Variants in ASIP observed in about 807,000 individuals in gnomAD.
The protein encoded by ASIP is agouti-signaling protein.
A neutral mutation model predicts 10.3 loss-of-function variants in ASIP; 11 were observed. That is an observed-to-expected ratio of 1.07 (90% CI 0.68 to 1.78). The LOEUF is 1.78. Ranked by LOEUF, ASIP falls within the 40% of genes most tolerant of loss-of-function variation. ASIP has a pLI of 0.00. For synonymous variants in ASIP, 70 were observed against 70.8 expected (o/e 0.99, Z 0.06); for missense variants, 180 against 169.2 (o/e 1.06, Z -0.35).
chr20:34,215,072 C>A, intron 1 of ASIP: 14 of 1,551,532 alleles, frequency 9.0e-6, no homozygotes, highest in Non-Finnish European at 1.2e-5. Flanking sequence ...AAAAAGCCAG[C>A]AGACTGTAAT....
intron 1 of ASIP, among the ~76,000 whole-genome samples, chr20:34,222,643 T>TCTCCGTCTCCCTCTCCCTCTCCCC (rs1270574641): frequency 1.3e-5 from 2 of 151,924 alleles, no homozygotes; most frequent in Non-Finnish European, 2.9e-5. Context: ...TCCCTCTCCC[T>TCTCCGTCTCCCTCTCCCTCTCCCC]CTCCGTCTCC....
chr20:34,235,294 G>A (rs1412619691), intron 1 of ASIP, among the ~76,000 whole-genome samples: 1 of 152,104 alleles, frequency 6.6e-6, no homozygotes, highest in Non-Finnish European at 1.5e-5. Flanking sequence ...ACAAAAATTA[G>A]CCAGGCGAGG....
intron 1 of ASIP, among the ~76,000 whole-genome samples, chr20:34,244,828 G>C (rs1403726547): frequency 6.6e-6 from 1 of 152,126 alleles, no homozygotes; most frequent in Non-Finnish European, 1.5e-5. Flanking sequence ...CCCGTAGGGT[G>C]GACTTTGTAA....
At chr20:34,239,341 C>G (rs1264610406), upstream of ASIP, among the ~76,000 whole-genome samples, 1 of 152,076 alleles carries the variant, frequency 6.6e-6, no homozygotes, top group Non-Finnish European at 1.5e-5. Context: ...CTCAGCCTCC[C>G]AAGTAGCTGG....
At chr20:34,216,876 C>A (rs1304539248) in intron 1 of ASIP, among the ~76,000 whole-genome samples, 3 of 152,028 alleles carry the variant, frequency 2.0e-5, no homozygotes, top group Non-Finnish European at 2.9e-5. Flanking sequence ...ATTCTAGGTC[C>A]TTTGCATTTC....
intron 1 of ASIP, among the ~76,000 whole-genome samples, chr20:34,222,910 G>C (rs1265360102): frequency 2.6e-5 from 4 of 152,170 alleles, no homozygotes; most frequent in Non-Finnish European, 4.4e-5. Flanking sequence ...GATTGCAGAC[G>C]GAGTCTCGTT....
intron 1 of ASIP, among the ~76,000 whole-genome samples, chr20:34,223,279 C>G (rs1281047355): frequency 6.6e-6 from 1 of 150,910 alleles, no homozygotes; most frequent in Non-Finnish European, 1.5e-5. Flanking sequence ...TCTGCCCTGC[C>G]GCCCCGTCTG....
chr20:34,236,280 C>T (rs2035209507), intron 1 of ASIP, among the ~76,000 whole-genome samples: 1 of 152,190 alleles, frequency 6.6e-6, no homozygotes, highest in African/African-American at 2.4e-5. Flanking sequence ...TGGCTCACGC[C>T]TATAATCCCA....
At chr20:34,212,272 C>T (rs2034979515) in intron 1 of ASIP, among the ~76,000 whole-genome samples, 1 of 152,142 alleles carries the variant, frequency 6.6e-6, no homozygotes, top group African/African-American at 2.4e-5. Context: ...AACTCCCATA[C>T]ACCCAATCTC....
At chr20:34,246,615 CCTGA>C in intron 1 of ASIP, 1 of 645,098 alleles carries the variant, frequency 1.6e-6, no homozygotes, top group Non-Finnish European at 2.8e-6. Flanking sequence ...TGCCACCATG[CCTGA>C]CTAATTTTTT....
At chr20:34,217,562 T>A (rs2035017271) in intron 1 of ASIP, among the ~76,000 whole-genome samples, 1 of 150,208 alleles carries the variant, frequency 6.7e-6, no homozygotes, top group South Asian at 2.2e-4. Flanking sequence ...AGCTTATTTA[T>A]GTATTTATTT....
At chr20:34,237,921 A>T (rs2035232045), upstream of ASIP, among the ~76,000 whole-genome samples, 1 of 152,022 alleles carries the variant, frequency 6.6e-6, no homozygotes, top group Non-Finnish European at 1.5e-5. Flanking sequence ...CTGATATAGG[A>T]TTCTTGGTTG....
intron 1 of ASIP, among the ~76,000 whole-genome samples, chr20:34,201,706 G>T (rs2034901068): frequency 6.6e-6 from 1 of 152,164 alleles, no homozygotes; most frequent in African/African-American, 2.4e-5. Context: ...CTTCAAACTT[G>T]CATGTTGCCT....
chr20:34,268,623 C>A (rs1451031935), intron 3 of ASIP, among the ~76,000 whole-genome samples: 1 of 151,820 alleles, frequency 6.6e-6, no homozygotes, highest in Non-Finnish European at 1.5e-5. Context: ...GTGGTCCCAG[C>A]TACTTGGGAG....
At chr20:34,224,278 G>C (rs1333617235) in intron 1 of ASIP, among the ~76,000 whole-genome samples, 1 of 151,608 alleles carries the variant, frequency 6.6e-6, no homozygotes, top group East Asian at 1.9e-4. Context: ...CTTAGGGAAA[G>C]ATAAGCTGTC....
intron 1 of ASIP, among the ~76,000 whole-genome samples, chr20:34,230,921 T>C (rs1243535044): frequency 1.6e-4 from 1 of 6,326 alleles, no homozygotes; most frequent in Non-Finnish European, 2.1e-4. Context: ...TCAGACGGGG[T>C]GGTTGCCAGG....
At chr20:34,207,767 CATTT>C (rs147074537) in intron 1 of ASIP, among the ~76,000 whole-genome samples, 2,143 of 149,404 alleles carry the variant, frequency 0.014, 32 homozygotes, top group African/African-American at 0.035. Flanking sequence ...TTTCCAGCAC[CATTT>C]ATTTATTTAT....
chr20:34,222,045 G>A (rs1278180764), intron 1 of ASIP, among the ~76,000 whole-genome samples: 2 of 152,148 alleles, frequency 1.3e-5, no homozygotes, highest in Non-Finnish European at 2.9e-5. Context: ...GGGAGGTAGA[G>A]GCTGCAGTGA....
chr20:34,253,524 G>T (rs1031451207), intron 1 of ASIP, among the ~76,000 whole-genome samples: 1 of 151,504 alleles, frequency 6.6e-6, no homozygotes, highest in Non-Finnish European at 1.5e-5. Context: ...CCAGGCCGGA[G>T]TGCAATGGCA....
Sources: allele counts gnomAD v4.1 joint callset (sites outside exome capture counted in the v4.1 genomes callset), GRCh38; gene constraint gnomAD v4.1.1; transcripts MANE v1.5; gene names NCBI Gene and HGNC (gene_info 2026-07-23, HGNC 2026-07-21).